Variants in SLC17A4 observed in about 807,000 individuals in gnomAD.
SLC17A4 encodes the protein solute carrier family 17 member 4.
Under a neutral mutation model 52.5 loss-of-function variants are expected in SLC17A4, and 33 were observed. The observed-to-expected ratio is 0.63, with a 90% CI of 0.48 to 0.84. The LOEUF is 0.84. Among genes scored for constraint, SLC17A4 ranks in the 40% least tolerant of loss-of-function variants. SLC17A4 has a pLI of 0.00. For missense variants in SLC17A4, 585 were observed against 597.1 expected (o/e 0.98, Z 0.21); for synonymous variants, 225 against 216.2 (o/e 1.04, Z -0.36).
At chr6:25,759,164 C>T (rs1359318412) in intron 1 of SLC17A4, among the ~76,000 whole-genome samples, 1 of 151,996 alleles carries the variant, frequency 6.6e-6, no homozygotes, top group Non-Finnish European at 1.5e-5. Context: ...TGAGGGAGTA[C>T]TTGATATAAT....
intron 2 of SLC17A4, among the ~76,000 whole-genome samples, chr6:25,763,966 C>T (rs1460942474): frequency 2.0e-5 from 3 of 152,126 alleles, no homozygotes; most frequent in Non-Finnish European, 4.4e-5. Context: ...ATTCCACAAA[C>T]GTTGGAAGGC....
Position 25,773,319 on chromosome 6 carries a change from T to C in SLC17A4, c.751T>C (p.Tyr251His). Residue 251 changes from tyrosine (Y) to histidine (H), a missense_variant, in exon 7 of 12, where the codon TAT (tyrosine) becomes CAT (histidine). Coordinates refer to ENST00000377905, the MANE Select transcript of SLC17A4 (RefSeq NM_005495.3). ...ACCPLWFPLIYDDPVNHPFIS... is the reference protein window; with the variant it reads ...ACCPLWFPLIHDDPVNHPFIS... ...TTGTCCTCTCTGGTTTCCTCTCATT[T>C]ATGATGATCCTGTGAATCATCCCTT... The C allele has an allele frequency of 6.2e-7, 1 of 1,613,986 alleles. No homozygotes were observed. The highest frequency in any genetic ancestry group is 8.5e-7 in the Non-Finnish European group (1 of 1,179,874).
At chr6:25,759,728 C>G (rs1413451941) in intron 1 of SLC17A4, among the ~76,000 whole-genome samples, 1 of 152,208 alleles carries the variant, frequency 6.6e-6, no homozygotes. Flanking sequence ...CATGGAATAT[C>G]TAGTCCCACC....
At chr6:25,776,484 G>T in intron 8 of SLC17A4, 111 bp from the exon 9 acceptor site, 1 of 1,277,054 alleles carries the variant, frequency 7.8e-7, no homozygotes, top group Non-Finnish European at 1.1e-6. Context: ...TGTATTAAAA[G>T]TGATGCGTAT....
At chr6:25,756,089 T>G (rs1760989907) in intron 1 of SLC17A4, among the ~76,000 whole-genome samples, 1 of 152,110 alleles carries the variant, frequency 6.6e-6, no homozygotes, top group South Asian at 2.1e-4. Flanking sequence ...ATCTTGTCCT[T>G]TACAGCCCAT....
At chr6:25,769,944 G>T in intron 3 of SLC17A4, 123 bp from the exon 4 acceptor site, 1 of 803,516 alleles carries the variant, frequency 1.2e-6, no homozygotes, top group Non-Finnish European at 2.1e-6. Flanking sequence ...CTGGTATATT[G>T]GAGGAACTGG....
chr6:25,779,061 A>C lies in SLC17A4; in HGVS notation c.1367A>C (p.Glu456Ala). 2 of 1,613,672 alleles carry C rather than the reference A, an allele frequency of 1.2e-6. No individual in the cohort carries two copies. Among genetic ancestry groups the C allele is most frequent in the African/African-American group, 2.7e-5 (2 of 75,002 alleles). Reference protein sequence around the residue: ...AAGFFISQDSEFGWRNVFLLS... With the variant: ...AAGFFISQDSAFGWRNVFLLS... ...GTAATTTTCTGCCTCCAGGATTCAGAGTTTGGTTGGAGAAATGTCTTCTTG... is the reference window on the plus strand; with the variant it reads ...GTAATTTTCTGCCTCCAGGATTCAGCGTTTGGTTGGAGAAATGTCTTCTTG... Residue 456 changes from glutamate (E) to alanine (A), a missense_variant, in exon 12 of 12, where the codon GAG becomes GCG. Physicochemically the swap from Glu to Ala is moderately radical, Grantham distance 107. Coordinates refer to ENST00000377905, the MANE Select transcript of SLC17A4 (RefSeq NM_005495.3).
intron 2 of SLC17A4, 26 bp downstream of exon 2, chr6:25,762,079 A>C: frequency 6.3e-7 from 1 of 1,595,136 alleles, no homozygotes; most frequent in Non-Finnish European, 8.6e-7. Flanking sequence ...GTAATCTGGT[A>C]GTAAATAAAA....
chr6:25,769,077 C>CCAG lies in SLC17A4; in HGVS notation c.186_188dup (p.Ala63dup). 1 of 1,614,066 alleles carries CCAG rather than the reference C, an allele frequency of 6.2e-7. No individual in the cohort carries two copies. The highest frequency in any genetic ancestry group is 8.5e-7 in the Non-Finnish European group (1 of 1,179,980). The stretch of plus-strand genomic sequence containing the variant: ...ACAAATGAACTTGAGCATTGCCATC[C>CCAG]CAGCTATGGTGAACAACACAGCCCC... On this transcript the variant is annotated inframe_insertion, in exon 3 of 12. Transcript: ENST00000377905.
At chr6:25,771,147 T>C (rs1762448470) in intron 6 of SLC17A4, 135 bp downstream of exon 6, 1 of 723,486 alleles carries the variant, frequency 1.4e-6, no homozygotes, top group South Asian at 1.7e-5. Context: ...CAACTACATT[T>C]AACATTTAAG....
intron 3 of SLC17A4, among the ~76,000 whole-genome samples, chr6:25,769,557 T>TAA (rs1233953890): frequency 2.2e-5 from 3 of 136,080 alleles, no homozygotes; most frequent in Non-Finnish European, 3.2e-5. Flanking sequence ...GATTCTGTCT[T>TAA]AAAAAAAAAA....
chr6:25,773,626 G>A lies in SLC17A4; in HGVS notation c.939G>A (p.Ala313=), dbSNP rs142070404. The part of the protein sequence containing the change: ...CEYWLFYTIM[A]YTPTYISSVL... The stretch of plus-strand genomic sequence containing the variant: ...ACTGGCTTTTTTATACCATTATGGC[G>A]TACACACCAACGTACATCAGCTCGG... Residue 313 remains alanine, a synonymous_variant, in exon 8 of 12, where the codon GCG becomes GCA. Transcript: ENST00000377905. The A allele has an allele frequency of 1.7e-4, 268 of 1,613,778 alleles. 1 individual carries two copies. In the East Asian group the frequency reaches 1.8e-3, roughly 11 times the overall value.
rs775503614 is a variant in SLC17A4 at position 25,777,984 on chromosome 6, T to C, written c.1327T>C (p.Ser443Pro). 1 of 1,612,928 alleles carries C rather than the reference T, an allele frequency of 6.2e-7. No homozygotes were observed. Among genetic ancestry groups the C allele is most frequent in the East Asian group, 2.2e-5 (1 of 44,870 alleles). Residue 443 changes from serine (S) to proline (P), a missense_variant, in exon 11 of 12, where the codon TCT (serine) becomes CCT (proline). Ser to Pro is a moderately conservative substitution (Grantham distance 74). Transcript: ENST00000377905. ...CTTTGCACACATAGCTGGAGCCATC[T>C]CTCCTACTGCTGCTGGATTTTTCAT... ...QVFAHIAGAISPTAAGFFISQ... is the reference protein window; with the variant it reads ...QVFAHIAGAIPPTAAGFFISQ...
Position 25,773,286 on chromosome 6 carries a change from T to C in SLC17A4, c.718T>C (p.Cys240Arg). ...TCCCCTTTTCCTAGGAGGAATTGGCTGTGCTTGTTGTCCTCTCTGGTTTCC... is the reference window on the plus strand; with the variant it reads ...TCCCCTTTTCCTAGGAGGAATTGGCCGTGCTTGTTGTCCTCTCTGGTTTCC... ...YVFYIFGGIGCACCPLWFPLI... is the reference protein window; with the variant it reads ...YVFYIFGGIGRACCPLWFPLI... Residue 240 changes from cysteine to arginine, a missense_variant, in exon 7 of 12, where the codon TGT becomes CGT. By Grantham distance (180) the Cys-to-Arg change is radical. Coordinates refer to ENST00000377905, the MANE Select transcript of SLC17A4 (RefSeq NM_005495.3). 1 of 1,613,782 alleles carries C rather than the reference T, an allele frequency of 6.2e-7. No homozygotes were observed.
intron 3 of SLC17A4, 72 bp from the exon 4 acceptor site, chr6:25,769,992 TGCC>T: frequency 7.9e-7 from 1 of 1,263,456 alleles, no homozygotes; most frequent in Admixed American, 1.8e-5. Context: ...AATTAATTTT[TGCC>T]TCTCAAGTCC....
At position 25,776,827 on chromosome 6, in the gene SLC17A4, C is replaced by T; in HGVS notation, c.1136C>T (p.Ser379Phe). The T allele has an allele frequency of 1.2e-6, 2 of 1,613,998 alleles. No individual in the cohort carries two copies. Among genetic ancestry groups the T allele is most frequent in the Middle Eastern group, 1.7e-4 (1 of 6,058 alleles). ...LFTAIGVLFP[S>F]VILVSLPWVR... is the part of the protein sequence containing the mutation. The stretch of plus-strand genomic sequence containing the variant: ...CCTACCCCAGGGGTTCTCTTCCCAT[C>T]CGTGATCCTCGTGTCCCTGCCCTGG... Residue 379 changes from serine (S) to phenylalanine (F), a missense_variant, in exon 10 of 12, where the codon TCC (serine) becomes TTC (phenylalanine). Coordinates refer to ENST00000377905, the MANE Select transcript of SLC17A4 (RefSeq NM_005495.3).
At chr6:25,766,873 A>G (rs974494864) in intron 2 of SLC17A4, among the ~76,000 whole-genome samples, 1 of 152,242 alleles carries the variant, frequency 6.6e-6, no homozygotes, top group African/African-American at 2.4e-5. Flanking sequence ...CCAAGGAGAC[A>G]TGACAACTAA....
At chr6:25,762,352 T>C (rs184667711) in intron 2 of SLC17A4, among the ~76,000 whole-genome samples, 4 of 152,334 alleles carry the variant, frequency 2.6e-5, no homozygotes, top group Middle Eastern at 3.4e-3. Flanking sequence ...CCTTGGCTTG[T>C]CTGATTCTAA....
chr6:25,770,398 T>C lies in SLC17A4; in HGVS notation c.546T>C (p.Thr182=). The C allele has an allele frequency of 6.2e-7, 1 of 1,614,126 alleles. No individual in the cohort carries two copies. ...TTTCCCCCCAGGTTATGGTATTAAC[T>C]GGTCAGTATTCAATTTGGGTCAAAT... ...VQGIAQVMVL[T]GQYSIWVKWA... is the part of the protein sequence containing the mutation. The change falls in exon 5 of 12, where the codon ACT becomes ACC. Residue 182 remains threonine (T), a synonymous_variant. Transcript: ENST00000377905.
Sources: gnomAD v4.1 joint callset for allele counts (sites outside exome capture counted in the v4.1 genomes callset) on GRCh38, gnomAD v4.1.1 for gene constraint, MANE v1.5 for transcripts, NCBI Gene and HGNC (gene_info 2026-07-23, HGNC 2026-07-21) for gene names.